Variants in HS3ST4 observed in about 807,000 individuals in gnomAD.
The protein encoded by HS3ST4 is heparan sulfate glucosamine 3-O-sulfotransferase 4.
Under a neutral mutation model 29.2 loss-of-function variants are expected in HS3ST4, and 17 were observed. The observed-to-expected ratio is 0.58, with a 90% CI of 0.40 to 0.87. The LOEUF (loss-of-function observed/expected upper bound fraction) is 0.87, where lower values mean the gene tolerates loss of function less well. Among genes scored for constraint, HS3ST4 ranks in the 40% least tolerant of loss-of-function variants. The pLI, the probability that HS3ST4 is intolerant of heterozygous loss-of-function variation, is 0.00. For missense variants in HS3ST4, 627 were observed against 634.5 expected, an observed-to-expected ratio of 0.99 and a Z score of 0.13; for synonymous variants, 314 against 285.7, an observed-to-expected ratio of 1.10 and a Z score of -1.00.
chr16:25,914,242 G>A (rs1379780262), intron 1 of HS3ST4, among the ~76,000 whole-genome samples: 1 of 149,012 alleles, frequency 6.7e-6, no homozygotes, highest in African/African-American at 2.5e-5. Context: ...TGTAAGTGAT[G>A]TGGTATATGT....
intron 1 of HS3ST4, among the ~76,000 whole-genome samples, chr16:25,748,812 G>A (rs1966700645): frequency 6.6e-6 from 1 of 152,162 alleles, no homozygotes; most frequent in African/African-American, 2.4e-5. Flanking sequence ...ATGAATAAAT[G>A]TACACTCTAT....
chr16:26,030,043 G>T (rs902176489), intron 1 of HS3ST4, among the ~76,000 whole-genome samples: 2 of 152,178 alleles, frequency 1.3e-5, no homozygotes, highest in East Asian at 1.9e-4. Context: ...TGAGTGCACC[G>T]CATGGCAGCA....
intron 1 of HS3ST4, among the ~76,000 whole-genome samples, chr16:25,866,728 C>T (rs4238924): frequency 0.28 from 42,374 of 151,928 alleles, 6,304 homozygotes; most frequent in East Asian, 0.45. Context: ...ACCTAGATGA[C>T]GGGTTGATAG....
At chr16:26,068,907 C>T (rs1186463766) in intron 1 of HS3ST4, among the ~76,000 whole-genome samples, 2 of 152,076 alleles carry the variant, frequency 1.3e-5, no homozygotes, top group African/African-American at 2.4e-5. Flanking sequence ...ACACTGTTTG[C>T]AAAAATGACC....
rs75329910 is a variant in HS3ST4, at chr16:25,849,267, C to G, written c.734+156116C>G. ...TGTATATTTTCTGGGTACAAATATACATATACATGCAGACGTATTTATGTA... is the reference window on the plus strand; with the variant it reads ...TGTATATTTTCTGGGTACAAATATAGATATACATGCAGACGTATTTATGTA... On this transcript the variant is annotated intron_variant, in intron 1 of 1. Coordinates refer to ENST00000331351, the MANE Select transcript of HS3ST4 (RefSeq NM_006040.3). Among the ~76,000 whole-genome samples, 34 of 152,184 alleles carry G rather than the reference C, an allele frequency of 2.2e-4. 1 individual carries two copies. The East Asian group carries it at 6.4e-3, about 28-fold the overall frequency.
intron 1 of HS3ST4, among the ~76,000 whole-genome samples, chr16:25,922,679 CT>C (rs1430297853): frequency 3.3e-5 from 5 of 152,228 alleles, no homozygotes; most frequent in African/African-American, 1.2e-4. Flanking sequence ...GAGATAACAG[CT>C]GTTAAGCCAT....
chr16:26,021,592 T>C (rs796706684), intron 1 of HS3ST4, among the ~76,000 whole-genome samples: 28 of 152,278 alleles, frequency 1.8e-4, no homozygotes, highest in African/African-American at 6.3e-4. Flanking sequence ...CGTACGAGGC[T>C]CACACATCAG....
intron 1 of HS3ST4, among the ~76,000 whole-genome samples, chr16:25,757,759 A>G (rs1026152083): frequency 6.6e-6 from 1 of 151,940 alleles, no homozygotes; most frequent in Non-Finnish European, 1.5e-5. Context: ...CATGGGGGCC[A>G]TCTAGATGCA....
At chr16:25,964,299 G>A (rs1435152218) in intron 1 of HS3ST4, among the ~76,000 whole-genome samples, 1 of 152,054 alleles carries the variant, frequency 6.6e-6, no homozygotes, top group Non-Finnish European at 1.5e-5. Context: ...TCAGGGTGAC[G>A]AGTTCAGTTG....
At chr16:25,999,060 C>T (rs538688486) in intron 1 of HS3ST4, among the ~76,000 whole-genome samples, 1 of 152,074 alleles carries the variant, frequency 6.6e-6, no homozygotes, top group South Asian at 2.1e-4. Context: ...TAAAATATCT[C>T]TTCTTCTGTC....
intron 1 of HS3ST4, among the ~76,000 whole-genome samples, chr16:25,843,822 G>A (rs1435247479): frequency 6.6e-6 from 1 of 152,166 alleles, no homozygotes; most frequent in African/African-American, 2.4e-5. Flanking sequence ...GTCTTAGACT[G>A]CATTATCATT....
At chr16:25,920,123 C>T (rs796733733) in intron 1 of HS3ST4, among the ~76,000 whole-genome samples, 3 of 152,230 alleles carry the variant, frequency 2.0e-5, no homozygotes, top group African/African-American at 4.8e-5. Flanking sequence ...TGTTGGTGAT[C>T]GGATTCTTCT....
intron 1 of HS3ST4, among the ~76,000 whole-genome samples, chr16:26,057,493 G>A (rs575380330): frequency 4.6e-5 from 7 of 152,266 alleles, no homozygotes; most frequent in East Asian, 1.9e-4. Context: ...GGTGGCTCAC[G>A]CCTGTAATCT....
chr16:26,090,705 G>T (rs1479734168), intron 1 of HS3ST4, among the ~76,000 whole-genome samples: 1 of 152,148 alleles, frequency 6.6e-6, no homozygotes, highest in Non-Finnish European at 1.5e-5. Context: ...AGTCATAAGA[G>T]ATTTTAATTT....
At chr16:25,972,895 T>C (rs1020974441) in intron 1 of HS3ST4, among the ~76,000 whole-genome samples, 4 of 152,208 alleles carry the variant, frequency 2.6e-5, no homozygotes, top group African/African-American at 7.2e-5. Flanking sequence ...TCAATAACTC[T>C]ATTAGCTATT....
intron 1 of HS3ST4, among the ~76,000 whole-genome samples, chr16:25,954,987 G>A (rs1968715297): frequency 6.6e-6 from 1 of 152,200 alleles, no homozygotes; most frequent in African/African-American, 2.4e-5. Flanking sequence ...TTAGAGGCTT[G>A]AAACAAAGGT....
intron 1 of HS3ST4, among the ~76,000 whole-genome samples, chr16:25,922,867 G>A (rs1968366990): frequency 6.6e-6 from 1 of 152,180 alleles, no homozygotes; most frequent in Non-Finnish European, 1.5e-5. Context: ...AAGAACCGTT[G>A]CCATATTGAA....
chr16:25,959,627 C>T (rs1441598899), intron 1 of HS3ST4, among the ~76,000 whole-genome samples: 1 of 152,130 alleles, frequency 6.6e-6, no homozygotes, highest in Non-Finnish European at 1.5e-5. Context: ...AATATAGTTG[C>T]CTACAGGAAC....
intron 1 of HS3ST4, among the ~76,000 whole-genome samples, chr16:25,903,364 CTT>C (rs1491215463): frequency 1.6e-5 from 1 of 62,766 alleles, no homozygotes; most frequent in Non-Finnish European, 3.6e-5. Context: ...ATATGTATAT[CTT>C]ATATATATAT....
Sources: gnomAD v4.1 joint callset for allele counts (sites outside exome capture counted in the v4.1 genomes callset) on GRCh38, gnomAD v4.1.1 for gene constraint, MANE v1.5 for transcripts, NCBI Gene and HGNC (gene_info 2026-07-23, HGNC 2026-07-21) for gene names.